Variants in FER observed in about 807,000 individuals in gnomAD.
FER encodes the protein tyrosine-protein kinase Fer.
FER carries 63 observed loss-of-function variants against 111.0 expected under a neutral mutation model. That is an observed-to-expected ratio of 0.57 (90% CI 0.46 to 0.70). The LOEUF is 0.70. Ranked by LOEUF, FER falls within the 30% of genes least tolerant of loss-of-function variation. The pLI is 0.00. For missense variants in FER, 914 were observed against 954.0 expected, an observed-to-expected ratio of 0.96 and a Z score of 0.55; for synonymous variants, 327 against 313.9, an observed-to-expected ratio of 1.04 and a Z score of -0.44.
chr5:109,169,616 A>G (rs1315379309), intron 17 of FER, among the ~76,000 whole-genome samples: 2 of 152,208 alleles, frequency 1.3e-5, no homozygotes, highest in African/African-American at 4.8e-5. Context: ...TTGAATTCCT[A>G]TAAATACTGA....
At chr5:108,929,300 A>G (rs1360221921) in intron 10 of FER, among the ~76,000 whole-genome samples, 1 of 152,202 alleles carries the variant, frequency 6.6e-6, no homozygotes, top group Non-Finnish European at 1.5e-5. Context: ...ACACAAAAAT[A>G]GATTCCTCTG....
chr5:109,047,023 AG>A, intron 15 of FER, 80 bp from the exon 16 acceptor site: 1 of 683,896 alleles, frequency 1.5e-6, no homozygotes, highest in Non-Finnish European at 2.4e-6. Context: ...AGAGTATTCT[AG>A]TTGTAAACCC....
intron 10 of FER, among the ~76,000 whole-genome samples, chr5:108,906,479 A>G (rs1021476536): frequency 6.6e-6 from 1 of 152,112 alleles, no homozygotes; most frequent in African/African-American, 2.4e-5. Flanking sequence ...CATGTAATTA[A>G]CTTACGACTT....
intron 13 of FER, among the ~76,000 whole-genome samples, chr5:108,986,164 T>G (rs907869572): frequency 2.0e-5 from 3 of 152,240 alleles, no homozygotes; most frequent in Non-Finnish European, 2.9e-5. Flanking sequence ...ATTGTGGTTT[T>G]GATTTGCATT....
chr5:109,079,595 G>A (rs1776753858), intron 16 of FER, among the ~76,000 whole-genome samples: 1 of 151,994 alleles, frequency 6.6e-6, no homozygotes, highest in Non-Finnish European at 1.5e-5. Flanking sequence ...TGCACAGTTG[G>A]AAATCATACT....
intron 5 of FER, among the ~76,000 whole-genome samples, chr5:108,838,059 A>G (rs922731306): frequency 2.0e-5 from 3 of 152,196 alleles, no homozygotes; most frequent in Non-Finnish European, 4.4e-5. Flanking sequence ...CTTTTCTTTT[A>G]TAATCAAAAC....
rs149506533 is a variant in FER at position 109,002,249 on chromosome 5, A to G, written c.1657-35173A>G. The stretch of plus-strand genomic sequence containing the variant: ...ACTACAAGGCTACAGTAACCAAAAC[A>G]GCATGGGACTGGTACCAAAGCGGAG... On this transcript the variant is annotated intron_variant, in intron 13 of 19. Coordinates refer to ENST00000281092, the MANE Select transcript of FER (RefSeq NM_005246.4). Among the ~76,000 whole-genome samples, 1,419 of 152,182 alleles carry G rather than the reference A, an allele frequency of 9.3e-3. 22 individuals are homozygous for G. Among genetic ancestry groups the G allele is most frequent in the African/African-American group, 0.033 (1,358 of 41,494 alleles).
intron 16 of FER, among the ~76,000 whole-genome samples, chr5:109,066,137 C>G (rs940953513): frequency 2.0e-5 from 3 of 152,004 alleles, no homozygotes; most frequent in Admixed American, 6.6e-5. Context: ...CTGTGTTTGT[C>G]TGCGTTAGTT....
chr5:109,075,620 T>TAA (rs1776245747), intron 16 of FER, among the ~76,000 whole-genome samples: 1 of 152,050 alleles, frequency 6.6e-6, no homozygotes, highest in African/African-American at 2.4e-5. Flanking sequence ...AGACGGGGTT[T>TAA]CACCGTGTTA....
At chr5:108,783,891 A>G (rs748899537) in intron 2 of FER, among the ~76,000 whole-genome samples, 2 of 152,142 alleles carry the variant, frequency 1.3e-5, no homozygotes, top group Non-Finnish European at 2.9e-5. Flanking sequence ...CATGTGGAGA[A>G]CAAGAGGCTT....
intron 17 of FER, among the ~76,000 whole-genome samples, chr5:109,137,290 G>C (rs1173589253): frequency 2.0e-5 from 3 of 152,144 alleles, no homozygotes; most frequent in Non-Finnish European, 4.4e-5. Flanking sequence ...AGGCTGCTCT[G>C]TCTCTTCTTC....
chr5:109,037,040 A>G (rs1009408816), intron 13 of FER, among the ~76,000 whole-genome samples: 3 of 152,088 alleles, frequency 2.0e-5, no homozygotes, highest in African/African-American at 7.2e-5. Flanking sequence ...CTAAGATTAA[A>G]TGAGAACTGA....
chr5:108,858,932 C>A (rs868711546), intron 5 of FER, among the ~76,000 whole-genome samples: 2 of 151,640 alleles, frequency 1.3e-5, no homozygotes, highest in South Asian at 4.2e-4. Context: ...CTATAAATAA[C>A]CTTATGTATG....
intron 13 of FER, among the ~76,000 whole-genome samples, chr5:108,970,210 A>G (rs1760450183): frequency 6.8e-6 from 1 of 146,304 alleles, no homozygotes; most frequent in South Asian, 2.1e-4. Flanking sequence ...TGATTTATTT[A>G]TTTATTTTTA....
At chr5:108,827,694 G>A (rs892663781) in intron 3 of FER, among the ~76,000 whole-genome samples, 8 of 151,622 alleles carry the variant, frequency 5.3e-5, no homozygotes, top group Middle Eastern at 6.8e-3. Context: ...TTGTTGTGCT[G>A]TATTTTATTT....
chr5:108,970,076 G>T (rs67053762), intron 13 of FER, among the ~76,000 whole-genome samples: 69,963 of 147,530 alleles, frequency 0.47, 19,451 homozygotes, highest in African/African-American at 0.66. Flanking sequence ...AAATCGCATT[G>T]TAGTTTAAGA....
At chr5:108,928,766 A>G (rs1029148533) in intron 10 of FER, among the ~76,000 whole-genome samples, 5 of 151,990 alleles carry the variant, frequency 3.3e-5, no homozygotes, top group Non-Finnish European at 5.9e-5. Context: ...TAAAGTCTGT[A>G]TACATATAAA....
intron 5 of FER, among the ~76,000 whole-genome samples, chr5:108,846,737 C>T (rs1340717843): frequency 6.6e-6 from 1 of 152,090 alleles, no homozygotes; most frequent in Non-Finnish European, 1.5e-5. Context: ...CACCTGCCAC[C>T]ACGCCCGGCT....
chr5:109,078,245 C>T (rs928647315), intron 16 of FER, among the ~76,000 whole-genome samples: 1 of 152,118 alleles, frequency 6.6e-6, no homozygotes, highest in Non-Finnish European at 1.5e-5. Context: ...AAGGATACGT[C>T]CATGGAATCT....
Sources: gnomAD v4.1 joint callset for allele counts (sites outside exome capture counted in the v4.1 genomes callset) on GRCh38, gnomAD v4.1.1 for gene constraint, MANE v1.5 for transcripts, NCBI Gene and HGNC (gene_info 2026-07-23, HGNC 2026-07-21) for gene names.